Variants in SFT2D2 observed in about 807,000 individuals in gnomAD.
The protein encoded by SFT2D2 is SFT2 domain containing 2.
SFT2D2 carries 21 observed loss-of-function variants against 27.4 expected under a neutral mutation model. That is an observed-to-expected ratio of 0.77 (90% CI 0.54 to 1.10). SFT2D2 has a LOEUF of 1.10. Among genes scored for constraint, SFT2D2 ranks in the 50% least tolerant of loss-of-function variants. SFT2D2 has a pLI of 0.00. For missense variants in SFT2D2, 187 were observed against 194.2 expected, an observed-to-expected ratio of 0.96 and a Z score of 0.22; for synonymous variants, 72 against 71.7, an observed-to-expected ratio of 1.00 and a Z score of -0.02.
rs1647823212 is a variant in SFT2D2, at chr1:168,246,693, A to G, written c.*4153A>G. ...GATCATGTAGAGCAACATTCAGTCT[A>G]CGATGGTATGATTCCATTTCGTCAG... On this transcript the variant is annotated 3_prime_UTR_variant, in exon 8 of 8. Transcript: ENST00000271375. 2 of 1,100,146 alleles carry G rather than the reference A, an allele frequency of 1.8e-6. No individual in the cohort carries two copies. The highest frequency in any genetic ancestry group is 1.4e-6 in the Non-Finnish European group (1 of 735,476). The allele number at this position is 1,100,146 out of a possible 1,614,324, so 68.1% of individuals were successfully genotyped here.
chr1:168,242,574 C>T lies in SFT2D2; in HGVS notation c.*34C>T. On this transcript the variant is annotated 3_prime_UTR_variant, in exon 8 of 8. Coordinates refer to ENST00000271375, the MANE Select transcript of SFT2D2 (RefSeq NM_199344.3). ...CAGTTTTATGAAGCTTTGGAAGGCA[C>T]TATGGACAGAAGCTGGTGGACAGTT... 6.2e-7 allele frequency: 1 copy of T among 1,613,656 alleles called. No individual in the cohort carries two copies. Among genetic ancestry groups the T allele is most frequent in the Non-Finnish European group, 8.5e-7 (1 of 1,179,580 alleles).
rs1265616648 is a variant in SFT2D2, at chr1:168,242,798, C to G, written c.*258C>G. 2.0e-6 allele frequency: 1 copy of G among 495,060 alleles called. No individual in the cohort carries two copies. The highest frequency in any genetic ancestry group is 3.7e-6 in the Non-Finnish European group (1 of 270,528). 30.7% of individuals were successfully genotyped at this position (495,060 alleles called of 1,614,324 possible). On this transcript the variant is annotated 3_prime_UTR_variant, in exon 8 of 8. Coordinates refer to ENST00000271375, the MANE Select transcript of SFT2D2 (RefSeq NM_199344.3). Reference sequence around the variant, plus strand: ...TCTTCCTCATGTACCTGTTTCCTCTCTGGATGTTGTCCCACTGAATTCCCA... The same window carrying G: ...TCTTCCTCATGTACCTGTTTCCTCTGTGGATGTTGTCCCACTGAATTCCCA...
In SFT2D2 at chr1:168,236,757, T is replaced by C; in HGVS notation, c.400T>C (p.Leu134=). The stretch of plus-strand genomic sequence containing the variant: ...ACTTATCTTCTGCATTTTGCAGTCT[T>C]TGGCATTGACGTGGTAAGTAACCTT... The part of the protein sequence containing the change: ...LALIFCILQS[L]ALTWYSLSFI... The change falls in exon 6 of 8, where the codon TTG becomes CTG. Residue 134 remains leucine (L), a synonymous_variant. Transcript: ENST00000271375. The C allele has an allele frequency of 6.2e-7, 1 of 1,614,230 alleles. No homozygotes were observed. Among genetic ancestry groups the C allele is most frequent in the Non-Finnish European group, 8.5e-7 (1 of 1,180,036 alleles).
rs750355128 is a variant in SFT2D2 at position 168,235,168 on chromosome 1, A to G, written c.304A>G (p.Thr102Ala). ...RMFEPTRLIA[T>A]IMVLLCFALT... ...GTTTGAGCCTACTCGTTTGATTGCAACTATCATGGTGCTGGTAAGGTCTGC... is the reference window on the plus strand; with the variant it reads ...GTTTGAGCCTACTCGTTTGATTGCAGCTATCATGGTGCTGGTAAGGTCTGC... The change falls in exon 4 of 8, where the codon ACT becomes GCT. Residue 102 changes from threonine to alanine, a missense_variant. By Grantham distance (58) the Thr-to-Ala change is moderately conservative. Transcript: ENST00000271375. 3.1e-6 allele frequency: 5 copies of G among 1,614,110 alleles called. No homozygotes were observed. Among genetic ancestry groups the G allele is most frequent in the East Asian group, 2.2e-5 (1 of 44,904 alleles).
At chr1:168,234,854 C>T (rs149469596) in intron 3 of SFT2D2, among the ~76,000 whole-genome samples, 1 of 152,326 alleles carries the variant, frequency 6.6e-6, no homozygotes, top group Non-Finnish European at 1.5e-5. Context: ...CTGGGTCTAT[C>T]ATTCCCTAGT....
At chr1:168,236,378 A>G (rs549591474) in intron 4 of SFT2D2, among the ~76,000 whole-genome samples, 119 of 152,368 alleles carry the variant, frequency 7.8e-4, no homozygotes, top group Non-Finnish European at 1.4e-3. Context: ...CTTGAAAGTA[A>G]AAGAACATCT....
intron 3 of SFT2D2, among the ~76,000 whole-genome samples, chr1:168,232,463 C>A (rs1647352633): frequency 6.6e-6 from 1 of 152,184 alleles, no homozygotes; most frequent in African/African-American, 2.4e-5. Context: ...ACAACTCCAC[C>A]CTCTCCAACT....
intron 6 of SFT2D2, among the ~76,000 whole-genome samples, chr1:168,237,960 T>C (rs1211721356): frequency 6.6e-6 from 1 of 152,130 alleles, no homozygotes; most frequent in Non-Finnish European, 1.5e-5. Flanking sequence ...TACACACACC[T>C]TGCTTTGCTT....
At chr1:168,240,877 C>G (rs1371037543) in intron 7 of SFT2D2, among the ~76,000 whole-genome samples, 4 of 151,962 alleles carry the variant, frequency 2.6e-5, no homozygotes, top group Non-Finnish European at 4.4e-5. Flanking sequence ...ACGCCATTGC[C>G]CTCCAGCCTG....
chr1:168,236,626 T>C lies in SFT2D2; in HGVS notation c.354+2T>C. 1 of 1,613,698 alleles carries C rather than the reference T, an allele frequency of 6.2e-7. No individual in the cohort carries two copies. The highest frequency in any genetic ancestry group is 8.5e-7 in the Non-Finnish European group (1 of 1,179,924). Reference sequence around the variant, plus strand: ...CTTACCCTGTGTTCTGCCTTTTGGGTAAATGTATATTTTAATTTTTCTTAA... The same window carrying C: ...CTTACCCTGTGTTCTGCCTTTTGGGCAAATGTATATTTTAATTTTTCTTAA... On this transcript the variant is annotated splice_donor_variant, in intron 5 of 7. Coordinates refer to ENST00000271375, the MANE Select transcript of SFT2D2 (RefSeq NM_199344.3). LOFTEE classifies it high-confidence loss of function.
At chr1:168,237,015 C>A (rs1269238559) in intron 6 of SFT2D2, among the ~76,000 whole-genome samples, 1 of 152,160 alleles carries the variant, frequency 6.6e-6, no homozygotes, top group African/African-American at 2.4e-5. Context: ...CCTGCTGTGG[C>A]ATTTTTGCTG....
chr1:168,239,457 G>GTTTTTTT (rs34187475), intron 7 of SFT2D2, among the ~76,000 whole-genome samples: 2 of 129,496 alleles, frequency 1.5e-5, no homozygotes, highest in African/African-American at 2.9e-5. Context: ...TTTGAGTAGG[G>GTTTTTTT]TTTTTTTTTT....
rs903888871 is a variant in SFT2D2, at chr1:168,246,172, A to G, written c.*3632A>G. On this transcript the variant is annotated 3_prime_UTR_variant, in exon 8 of 8. Coordinates refer to ENST00000271375, the MANE Select transcript of SFT2D2 (RefSeq NM_199344.3). ...GTTTTTCTTTCAAATGATTAACTTT[A>G]TTGATCATCCTCTTGTTCTTCTAGC... is the stretch of plus-strand genomic sequence containing the variant. 1 of 248,720 alleles carries G rather than the reference A, an allele frequency of 4.0e-6. No homozygotes were observed. Among genetic ancestry groups the G allele is most frequent in the Non-Finnish European group, 8.0e-6 (1 of 124,834 alleles). The allele number at this position is 248,720 out of a possible 1,614,324, so 15.4% of individuals were successfully genotyped here.
rs1249506222 is a variant in SFT2D2 at position 168,250,297 on chromosome 1, C to T, written c.*7757C>T. The T allele has an allele frequency of 3.3e-5, 5 of 152,324 alleles. No individual in the cohort carries two copies. The East Asian group carries it at 9.6e-4, about 29-fold the overall frequency. 9.4% of individuals were successfully genotyped at this position (152,324 alleles called of 1,614,324 possible). On this transcript the variant is annotated 3_prime_UTR_variant, in exon 8 of 8. Transcript: ENST00000271375. ...GACTGTGGGAGGAAGAAATCCATTT[C>T]AAATCTGCTGAAACCTGTTACCAAG...
At chr1:168,232,050 C>T (rs1647335916) in intron 3 of SFT2D2, 131 bp downstream of exon 3, 1 of 693,562 alleles carries the variant, frequency 1.4e-6, no homozygotes, top group Non-Finnish European at 2.6e-6. Context: ...GTTAGAATAT[C>T]TCACATTCAT....
chr1:168,235,018 C>T (rs1647450918), intron 3 of SFT2D2, 83 bp from the exon 4 acceptor site: 1 of 1,175,034 alleles, frequency 8.5e-7, no homozygotes, highest in African/African-American at 1.5e-5. Flanking sequence ...CTACTATTGC[C>T]ACAGGAAATC....
At chr1:168,232,229 G>A (rs746872494) in intron 3 of SFT2D2, among the ~76,000 whole-genome samples, 3 of 152,162 alleles carry the variant, frequency 2.0e-5, no homozygotes, top group African/African-American at 4.8e-5. Flanking sequence ...TCTTACTGCT[G>A]TCAGAGATTG....
rs921971118 is a variant in SFT2D2, at chr1:168,228,060, T to TA, written c.63+1919dup. ...TAGGTGCTTCGTTCTTGTTTTAAAATACTTTGGTCAGTTGGTCAGTTTCCT... is the reference window on the plus strand; with the variant it reads ...TAGGTGCTTCGTTCTTGTTTTAAAATAACTTTGGTCAGTTGGTCAGTTTCCT... On this transcript the variant is annotated intron_variant, in intron 1 of 7. Coordinates refer to ENST00000271375, the MANE Select transcript of SFT2D2 (RefSeq NM_199344.3). Among the ~76,000 whole-genome samples, 16 of 152,234 alleles carry TA rather than the reference T, an allele frequency of 1.1e-4. 1 individual carries two copies. Among genetic ancestry groups the TA allele is most frequent in the African/African-American group, 2.4e-5 (1 of 41,458 alleles).
Position 168,247,269 on chromosome 1 carries a change from G to T in SFT2D2, c.*4729G>T, listed in dbSNP as rs1647847232. ...TTATACTTTAAGTTCTGGGGTACAT[G>T]TGCAGAACATGCGGGTTTGTTACAT... is the stretch of plus-strand genomic sequence containing the variant. On this transcript the variant is annotated 3_prime_UTR_variant, in exon 8 of 8. Coordinates refer to ENST00000271375, the MANE Select transcript of SFT2D2 (RefSeq NM_199344.3). 1.9e-5 allele frequency: 5 copies of T among 257,286 alleles called. No individual in the cohort carries two copies. The South Asian group carries it at 2.2e-4, about 11-fold the overall frequency. The allele number at this position is 257,286 out of a possible 1,614,324, so 15.9% of individuals were successfully genotyped here. A position where few individuals can be genotyped will look rare whatever the true frequency, so the allele number is the denominator to read the frequency against.
Sources: gnomAD v4.1 joint callset for allele counts (sites outside exome capture counted in the v4.1 genomes callset) on GRCh38, gnomAD v4.1.1 for gene constraint, MANE v1.5 for transcripts, NCBI Gene and HGNC (gene_info 2026-07-23, HGNC 2026-07-21) for gene names.